Variants in EFCAB6 observed in about 807,000 individuals in gnomAD.
EFCAB6 encodes the protein EF-hand calcium binding domain 6, also known as EF-hand calcium-binding domain-containing protein 6.
In EFCAB6, 156 loss-of-function variants were observed where a neutral mutation model predicts 169.8. That is an observed-to-expected ratio of 0.92 (90% CI 0.81 to 1.05). The LOEUF (loss-of-function observed/expected upper bound fraction) is 1.05, where lower values mean the gene tolerates loss of function less well. Ranked by LOEUF, EFCAB6 falls within the 50% of genes least tolerant of loss-of-function variation. EFCAB6 has a pLI of 0.00. For missense variants in EFCAB6, 1,800 were observed against 1,829.1 expected (o/e 0.98, Z 0.29); for synonymous variants, 698 against 676.4 (o/e 1.03, Z -0.50).
chr22:43,603,245 G>C (rs1424749733), intron 22 of EFCAB6, among the ~76,000 whole-genome samples: 1 of 152,194 alleles, frequency 6.6e-6, no homozygotes, highest in Non-Finnish European at 1.5e-5. Flanking sequence ...AGACTAGATT[G>C]CACAACTGCA....
intron 8 of EFCAB6, among the ~76,000 whole-genome samples, chr22:43,717,345 A>G (rs187830412): frequency 1.2e-4 from 18 of 151,986 alleles, no homozygotes; most frequent in Admixed American, 1.1e-3. Flanking sequence ...GATAAGTTTG[A>G]CAACATAAAT....
intron 6 of EFCAB6, among the ~76,000 whole-genome samples, chr22:43,748,467 A>G (rs1289574886): frequency 1.3e-5 from 2 of 151,956 alleles, no homozygotes; most frequent in Admixed American, 6.6e-5. Context: ...AAACTACCCC[A>G]CATCTCTTCC....
intron 19 of EFCAB6, among the ~76,000 whole-genome samples, chr22:43,629,973 G>T (rs2054815168): frequency 6.6e-6 from 1 of 152,170 alleles, no homozygotes; most frequent in Non-Finnish European, 1.5e-5. Flanking sequence ...GACCCTATTT[G>T]TGGGTTGACA....
Position 43,628,867 on chromosome 22 carries a change from C to A in EFCAB6, c.2233-2188G>T, listed in dbSNP as rs2054718472. Among the ~76,000 whole-genome samples the A allele has an allele frequency of 6.6e-6, 1 of 152,202 alleles. No individual in the cohort carries two copies. The highest frequency in any genetic ancestry group is 2.4e-5 in the African/African-American group (1 of 41,454). On this transcript the variant is annotated intron_variant, in intron 19 of 31. Transcript: ENST00000262726. This position sits in a 1 kb window ranked among gnomAD's most constrained non-coding sequence, Gnocchi z 4.8. ...GTGTCCACTGCACTTCCCCCTAGAA[C>A]ATAAGCATGAGTCTGGGCTCTGATC... is the stretch of plus-strand genomic sequence containing the variant.
Position 43,580,649 on chromosome 22 carries a change from T to C in EFCAB6, c.3043A>G (p.Ser1015Gly), listed in dbSNP as rs1222608314. The change falls in exon 25 of 32, where the codon AGC (serine) becomes GGC (glycine). Residue 1015 changes from serine to glycine, a missense_variant. By Grantham distance (56) the Ser-to-Gly change is moderately conservative (BLOSUM62 0). Transcript: ENST00000262726. The stretch of plus-strand genomic sequence containing the variant: ...TAATTGATAGCATTATCATGCCGGC[T>C]GACTCCCCAACTTGTCCCAAAAGGA... ...LTHLLNSWGV[S>G]RHDNAINYLD... The C allele has an allele frequency of 6.2e-7, 1 of 1,614,088 alleles. No individual in the cohort carries two copies. Among genetic ancestry groups the C allele is most frequent in the Non-Finnish European group, 8.5e-7 (1 of 1,180,006 alleles).
chr22:43,554,186 G>T (rs2048555018), intron 27 of EFCAB6: 1 of 152,514 alleles, frequency 6.6e-6, no homozygotes, highest in African/African-American at 2.4e-5. Flanking sequence ...TGAAAAAGCA[G>T]GTAAGCCGCT....
chr22:43,548,822 G>A lies in EFCAB6; in HGVS notation c.3648+6047C>T, dbSNP rs142104592. Among the ~76,000 whole-genome samples the A allele has an allele frequency of 1.1e-3, 172 of 152,108 alleles. 1 individual carries two copies. The highest frequency in any genetic ancestry group is 3.9e-3 in the African/African-American group (161 of 41,512). On this transcript the variant is annotated intron_variant, in intron 27 of 31. Transcript: ENST00000262726. ...TTACTCAGCATATGTGGAACCCTTC[G>A]CTCAGCCACTGGAGGCTATGCATAC...
intron 23 of EFCAB6, among the ~76,000 whole-genome samples, chr22:43,596,652 T>C (rs1344404957): frequency 6.6e-6 from 1 of 152,140 alleles, no homozygotes; most frequent in East Asian, 1.9e-4. Context: ...AAAGAATTAA[T>C]ATTGTTAAAA....
chr22:43,792,790 A>G (rs2062352344), intron 2 of EFCAB6, among the ~76,000 whole-genome samples: 1 of 152,200 alleles, frequency 6.6e-6, no homozygotes, highest in South Asian at 2.1e-4. Flanking sequence ...CCCGATATCA[A>G]GTTCACATGG....
intron 6 of EFCAB6, among the ~76,000 whole-genome samples, chr22:43,746,596 C>T (rs1351255372): frequency 6.6e-6 from 1 of 152,100 alleles, no homozygotes; most frequent in African/African-American, 2.4e-5. Context: ...AAAGGTGCCC[C>T]GTCTATAAGC....
chr22:43,721,328 G>A (rs939833502), intron 8 of EFCAB6, among the ~76,000 whole-genome samples: 2 of 152,138 alleles, frequency 1.3e-5, no homozygotes, highest in Non-Finnish European at 2.9e-5. Flanking sequence ...ATTCCACGCA[G>A]TTCCAATCTA....
chr22:43,588,942 G>A (rs1602449962), intron 24 of EFCAB6, among the ~76,000 whole-genome samples: 1 of 152,192 alleles, frequency 6.6e-6, no homozygotes, highest in East Asian at 1.9e-4. Context: ...CGATAGGCAT[G>A]TGGCATGCGG....
At chr22:43,776,506 G>A (rs946293577) in intron 3 of EFCAB6, among the ~76,000 whole-genome samples, 1 of 152,178 alleles carries the variant, frequency 6.6e-6, no homozygotes, top group Non-Finnish European at 1.5e-5. Context: ...GTGCAGCTGG[G>A]GGCTGCTTTA....
Position 43,590,192 on chromosome 22 carries a change from C to T in EFCAB6, c.2914G>A (p.Ala972Thr). ...LMDRHQDISKAFTKTDQSKTN... is the reference protein window; with the variant it reads ...LMDRHQDISKTFTKTDQSKTN... ...TTGGATTGATCAGTTTTGGTGAATG[C>T]TTTGCTGATATCTTGATGGCGGTCC... Residue 972 changes from alanine to threonine, a missense_variant, in exon 24 of 32, where the codon GCA becomes ACA. Transcript: ENST00000262726. 1.2e-6 allele frequency: 2 copies of T among 1,614,048 alleles called. No individual in the cohort carries two copies. Among genetic ancestry groups the T allele is most frequent in the Admixed American group, 1.7e-5 (1 of 60,018 alleles).
At chr22:43,644,972 G>A (rs928985928) in intron 17 of EFCAB6, among the ~76,000 whole-genome samples, 11 of 152,250 alleles carry the variant, frequency 7.2e-5, no homozygotes, top group African/African-American at 2.6e-4. Flanking sequence ...TACTCTTCGG[G>A]GGTTTCCTTT....
intron 3 of EFCAB6, among the ~76,000 whole-genome samples, chr22:43,775,545 C>A (rs1227789594): frequency 6.6e-6 from 1 of 152,176 alleles, no homozygotes; most frequent in Non-Finnish European, 1.5e-5. Flanking sequence ...TGGGTCCAGG[C>A]AATTCTCCTG....
intron 21 of EFCAB6, among the ~76,000 whole-genome samples, chr22:43,610,831 C>T (rs1288443815): frequency 6.6e-6 from 1 of 152,180 alleles, no homozygotes; most frequent in Non-Finnish European, 1.5e-5. Context: ...GAAGTTACCA[C>T]TGTCCCAACA....
intron 2 of EFCAB6, among the ~76,000 whole-genome samples, chr22:43,788,888 T>A (rs1391504431): frequency 6.6e-6 from 1 of 152,260 alleles, no homozygotes; most frequent in Non-Finnish European, 1.5e-5. Context: ...TTCAGTGGAC[T>A]ATTATTCAGC....
chr22:43,712,902 A>G (rs1052952593), intron 9 of EFCAB6, among the ~76,000 whole-genome samples: 5 of 152,178 alleles, frequency 3.3e-5, no homozygotes, highest in Admixed American at 1.3e-4. Flanking sequence ...AGAAATTTTC[A>G]TTGTTACTGT....
Sources: allele counts gnomAD v4.1 joint callset (sites outside exome capture counted in the v4.1 genomes callset), GRCh38; gene constraint gnomAD v4.1.1; non-coding constraint Gnocchi (gnomAD v3.1); transcripts MANE v1.5; gene names NCBI Gene and HGNC (gene_info 2026-07-23, HGNC 2026-07-21).